ZBTB44: variants seen among roughly 807,000 people sequenced by gnomAD.
ZBTB44 encodes zinc finger and BTB domain-containing protein 44.
A neutral mutation model predicts 54.0 loss-of-function variants in ZBTB44; 15 were observed. The observed-to-expected ratio is 0.28, with a 90% CI of 0.19 to 0.43. ZBTB44 has a LOEUF of 0.43. Ranked by LOEUF, ZBTB44 falls within the 20% of genes least tolerant of loss-of-function variation. The pLI, the probability that ZBTB44 is intolerant of heterozygous loss-of-function variation, is 1.00. For missense variants in ZBTB44, 487 were observed against 707.1 expected, an observed-to-expected ratio of 0.69 and a Z score of 3.53; for synonymous variants, 230 against 250.1, an observed-to-expected ratio of 0.92 and a Z score of 0.76.
In ZBTB44 at chr11:130,282,144, A is replaced by T. The variant is rs1305298306; in HGVS notation, c.-56-20215T>A. Among the ~76,000 whole-genome samples, 3 of 152,216 alleles carry T rather than the reference A, an allele frequency of 2.0e-5. No individual in the cohort carries two copies. The East Asian group carries it at 5.8e-4, about 29-fold the overall frequency. On this transcript the variant is annotated intron_variant, in intron 1 of 7. Coordinates refer to ENST00000357899, the MANE Select transcript of ZBTB44 (RefSeq NM_001301098.2). Reference sequence around the variant, plus strand: ...GTTAAGGTTATTTTTGTGGCAGAATATACACAAAATTTACTGTTTTAACTA... The same window carrying T: ...GTTAAGGTTATTTTTGTGGCAGAATTTACACAAAATTTACTGTTTTAACTA...
intron 6 of ZBTB44, 200 bp from the exon 7 acceptor site, chr11:130,233,582 A>T (rs1953975109): frequency 1.4e-6 from 2 of 1,396,438 alleles, no homozygotes; most frequent in South Asian, 3.3e-5. Context: ...TACAGCAGTA[A>T]GTATCTACTC....
chr11:130,279,590 T>C (rs1022549987), intron 1 of ZBTB44, among the ~76,000 whole-genome samples: 5 of 151,998 alleles, frequency 3.3e-5, no homozygotes, highest in Non-Finnish European at 5.9e-5. Context: ...GTCCAGGAGG[T>C]GGAGGTTGCA....
intron 2 of ZBTB44, among the ~76,000 whole-genome samples, chr11:130,240,231 A>G (rs1389376900): frequency 6.6e-6 from 1 of 151,952 alleles, no homozygotes; most frequent in Non-Finnish European, 1.5e-5. Flanking sequence ...TAGTAGAGAC[A>G]GGGTTTCACT....
intron 1 of ZBTB44, among the ~76,000 whole-genome samples, chr11:130,297,837 T>A (rs537593943): frequency 1.3e-4 from 20 of 152,354 alleles, no homozygotes; most frequent in Non-Finnish European, 1.2e-4. Context: ...AGCAAACTAA[T>A]ACATGTTGCT....
intron 1 of ZBTB44, among the ~76,000 whole-genome samples, chr11:130,284,344 GTAAC>G (rs1288108744): frequency 6.6e-6 from 1 of 152,116 alleles, no homozygotes; most frequent in Non-Finnish European, 1.5e-5. Context: ...TAAAATTCAA[GTAAC>G]TAATAATCAC....
In ZBTB44 at chr11:130,301,224, G is replaced by A. The variant is rs925995128; in HGVS notation, c.-57+13151C>T. ...AAAGAAAGAGTACAGCTATAGTTAA[G>A]TTTATTGGTGGCGTGGTGAGAAGTA... is the stretch of plus-strand genomic sequence containing the variant. On this transcript the variant is annotated intron_variant, in intron 1 of 7. Coordinates refer to ENST00000357899, the MANE Select transcript of ZBTB44 (RefSeq NM_001301098.2). Among the ~76,000 whole-genome samples, 4 of 152,192 alleles carry A rather than the reference G, an allele frequency of 2.6e-5. No individual in the cohort carries two copies. The East Asian group carries it at 7.7e-4, about 29-fold the overall frequency.
intron 1 of ZBTB44, among the ~76,000 whole-genome samples, chr11:130,305,227 T>C (rs553780612): frequency 4.0e-4 from 61 of 152,144 alleles, no homozygotes; most frequent in African/African-American, 1.5e-3. Flanking sequence ...CAAAATACCA[T>C]CATCATTCTA....
At chr11:130,262,137 T>G (rs573075658) in intron 1 of ZBTB44, among the ~76,000 whole-genome samples, 10 of 152,226 alleles carry the variant, frequency 6.6e-5, no homozygotes, top group South Asian at 2.1e-4. Context: ...CCAATGTTTT[T>G]TTTTGTTTTG....
In ZBTB44 at chr11:130,238,629, A is replaced by C. The variant is rs747928280; in HGVS notation, c.1104-22T>G. The C allele has an allele frequency of 4.4e-6, 7 of 1,598,518 alleles. No individual in the cohort carries two copies. In the South Asian group the frequency reaches 6.8e-5, roughly 16 times the overall value. On this transcript the variant is annotated intron_variant, in intron 3 of 7. Transcript: ENST00000357899. ...CAATCTAAAAAAAACAGACCAAAGA[A>C]GGCAACCAGGCTCTGATTTTTAAAC...
chr11:130,253,349 T>C (rs1043345016), intron 2 of ZBTB44, among the ~76,000 whole-genome samples: 1 of 152,230 alleles, frequency 6.6e-6, no homozygotes, highest in Non-Finnish European at 1.5e-5. Flanking sequence ...CTCCTTAAGC[T>C]GATAAGCAAC....
chr11:130,229,786 C>A lies in ZBTB44; in HGVS notation c.*1978G>T, dbSNP rs890096599. 1.3e-5 allele frequency: 2 copies of A among 152,136 alleles called. No homozygotes were observed. The highest frequency in any genetic ancestry group is 2.4e-5 in the African/African-American group (1 of 41,432). 9.4% of individuals were successfully genotyped at this position (152,136 alleles called of 1,614,324 possible). A position where few individuals can be genotyped will look rare whatever the true frequency, so the allele number is the denominator to read the frequency against. On this transcript the variant is annotated 3_prime_UTR_variant, in exon 8 of 8. Transcript: ENST00000357899. ...AATATATTACAAATAAAGCATCTTA[C>A]GTCAATAACTTACTTACAGTGAAAA...
Position 130,297,526 on chromosome 11 carries a change from T to C in ZBTB44, c.-57+16849A>G, listed in dbSNP as rs1592061106. ...GGTCCTAAACCCCAGTGCCTCAGAA[T>C]GGGACCTTATTTGGAAATGGAGTCT... On this transcript the variant is annotated intron_variant, in intron 1 of 7. Coordinates refer to ENST00000357899, the MANE Select transcript of ZBTB44 (RefSeq NM_001301098.2). Among the ~76,000 whole-genome samples the C allele has an allele frequency of 2.0e-5, 3 of 152,340 alleles. No homozygotes were observed. In the South Asian group the frequency reaches 6.2e-4, roughly 32 times the overall value.
chr11:130,303,858 C>T (rs1034089811), intron 1 of ZBTB44, among the ~76,000 whole-genome samples: 1 of 151,842 alleles, frequency 6.6e-6, no homozygotes, highest in Non-Finnish European at 1.5e-5. Context: ...GGATGTTATT[C>T]TCTAATTAAT....
rs1456898553 is a variant in ZBTB44 at position 130,300,066 on chromosome 11, A to G, written c.-57+14309T>C. Among the ~76,000 whole-genome samples the G allele has an allele frequency of 6.6e-5, 10 of 152,244 alleles. No homozygotes were observed. The East Asian group carries it at 1.9e-3, about 29-fold the overall frequency. On this transcript the variant is annotated intron_variant, in intron 1 of 7. Transcript: ENST00000357899. Reference sequence around the variant, plus strand: ...TGAAATAAACCAATAATTAAGGAACAAATACCATATGATTCCGATTACACG... The same window carrying G: ...TGAAATAAACCAATAATTAAGGAACGAATACCATATGATTCCGATTACACG...
intron 7 of ZBTB44, chr11:130,233,005 TA>T (rs1202124956): frequency 7.0e-4 from 170 of 244,268 alleles, no homozygotes; most frequent in Middle Eastern, 1.3e-3. Flanking sequence ...GCCATTCTTT[TA>T]AAAAAAAAGA....
At chr11:130,294,007 T>C (rs911243344) in intron 1 of ZBTB44, among the ~76,000 whole-genome samples, 7 of 152,180 alleles carry the variant, frequency 4.6e-5, no homozygotes, top group Admixed American at 3.3e-4. Context: ...GTCATGCTGA[T>C]TGTTACTTTC....
chr11:130,289,023 C>A (rs1428094951), intron 1 of ZBTB44, among the ~76,000 whole-genome samples: 5 of 152,174 alleles, frequency 3.3e-5, no homozygotes, highest in Non-Finnish European at 5.9e-5. Context: ...AGTTCCACAT[C>A]TGCAAGATTC....
At chr11:130,270,321 G>C (rs1939575662) in intron 1 of ZBTB44, among the ~76,000 whole-genome samples, 1 of 152,122 alleles carries the variant, frequency 6.6e-6, no homozygotes, top group African/African-American at 2.4e-5. Flanking sequence ...TTAAGGAGAG[G>C]GGCATATAAG....
intron 1 of ZBTB44, chr11:130,295,852 G>C: frequency 4.3e-6 from 6 of 1,404,160 alleles, no homozygotes; most frequent in Non-Finnish European, 6.0e-6. Context: ...GCAAATTTTT[G>C]GTGTTCTTAA....
Sources: allele counts gnomAD v4.1 joint callset (sites outside exome capture counted in the v4.1 genomes callset), GRCh38; gene constraint gnomAD v4.1.1; transcripts MANE v1.5; gene names NCBI Gene and HGNC (gene_info 2026-07-23, HGNC 2026-07-21).